Variants in BBOX1 observed in about 807,000 individuals in gnomAD.
BBOX1 encodes gamma-butyrobetaine hydroxylase 1.
In BBOX1, 35 loss-of-function variants were observed where a neutral mutation model predicts 41.6. The ratio of observed to expected loss-of-function variants is 0.84; its 90% CI spans 0.64 to 1.11. The LOEUF is 1.11. BBOX1 is among the 50% of genes most tolerant of loss of function. BBOX1 has a pLI of 0.00. For missense variants in BBOX1, 458 were observed against 460.6 expected, an observed-to-expected ratio of 0.99 and a Z score of 0.05; for synonymous variants, 163 against 154.7, an observed-to-expected ratio of 1.05 and a Z score of -0.40.
At chr11:27,127,260 A>G in intron 8 of BBOX1, 33 bp from the exon 9 acceptor site, 1 of 1,606,562 alleles carries the variant, frequency 6.2e-7, no homozygotes, top group Middle Eastern at 1.7e-4. Flanking sequence ...TTAAACACAC[A>G]ATTATTCATA....
intron 4 of BBOX1, among the ~76,000 whole-genome samples, chr11:27,060,433 T>C (rs946143417): frequency 1.1e-4 from 16 of 152,154 alleles, no homozygotes; most frequent in African/African-American, 3.9e-4. Flanking sequence ...ATCCCTTTTC[T>C]TTATGAATTA....
intron 7 of BBOX1, 130 bp from the exon 8 acceptor site, chr11:27,125,523 AT>A (rs2134118217): frequency 1.4e-6 from 1 of 732,774 alleles, no homozygotes; most frequent in Non-Finnish European, 2.0e-6. Context: ...GGTAGCCTTA[AT>A]ATCTTCTGTA....
rs1160395800 is a variant in BBOX1 at position 27,051,345 on chromosome 11, T to C, written c.-38-4048T>C. On this transcript the variant is annotated intron_variant, in intron 2 of 8. Transcript: ENST00000263182. ...TGGTTTGAGGGTAGTGCTGGCCTCA[T>C]AAAATGAGTTTGGAAGTATTCCCTC... Among the ~76,000 whole-genome samples the C allele has an allele frequency of 5.9e-5, 9 of 152,082 alleles. No individual in the cohort carries two copies. The East Asian group carries it at 1.5e-3, about 26-fold the overall frequency.
chr11:27,126,744 C>T (rs984446747), intron 8 of BBOX1, among the ~76,000 whole-genome samples: 1 of 148,588 alleles, frequency 6.7e-6, no homozygotes, highest in Non-Finnish European at 1.5e-5. Flanking sequence ...GGCGTGATCT[C>T]GGCTCACTGC....
intron 6 of BBOX1, among the ~76,000 whole-genome samples, chr11:27,115,816 T>C (rs1249972556): frequency 6.6e-6 from 1 of 151,922 alleles, no homozygotes; most frequent in East Asian, 1.9e-4. Flanking sequence ...GAAATTACTA[T>C]TAGCATTTTT....
At chr11:27,078,419 C>G (rs1046934749) in intron 4 of BBOX1, among the ~76,000 whole-genome samples, 2 of 151,982 alleles carry the variant, frequency 1.3e-5, no homozygotes, top group Non-Finnish European at 2.9e-5. Context: ...TTTGCTGCAC[C>G]CATCAACCCA....
chr11:27,127,212 G>T, intron 8 of BBOX1, 81 bp from the exon 9 acceptor site: 1 of 1,412,034 alleles, frequency 7.1e-7, no homozygotes, highest in African/African-American at 1.4e-5. Context: ...AGCAGCAGCT[G>T]TGTTTTGCAT....
Position 27,057,207 on chromosome 11 carries a change from A to G in BBOX1, c.226A>G (p.Ile76Val), listed in dbSNP as rs757304087. 4 of 1,598,488 alleles carry G rather than the reference A, an allele frequency of 2.5e-6. No homozygotes were observed. The highest frequency in any genetic ancestry group is 2.2e-5 in the East Asian group (1 of 44,640). ...TTGCTTTTTGTGTTATAAGGTGTAC[A>G]TCACATGGCCCGATGAGCATTACAG... ...GLIFDRKKVY[I>V]TWPDEHYSEF... The change falls in exon 4 of 9, where the codon ATC (isoleucine) becomes GTC (valine). Residue 76 changes from isoleucine to valine, a missense_variant. Coordinates refer to ENST00000263182, the MANE Select transcript of BBOX1 (RefSeq NM_003986.3).
chr11:27,072,666 A>G (rs1857494364), intron 4 of BBOX1, among the ~76,000 whole-genome samples: 2 of 152,200 alleles, frequency 1.3e-5, no homozygotes, highest in Admixed American at 6.5e-5. Context: ...CCTGATTTCA[A>G]ACTATACTAC....
intron 3 of BBOX1, among the ~76,000 whole-genome samples, chr11:27,056,845 A>G (rs1034608390): frequency 2.0e-5 from 3 of 151,660 alleles, no homozygotes; most frequent in African/African-American, 7.3e-5. Context: ...AGGCGGGCGC[A>G]TCACAAGGTC....
At chr11:27,042,160 A>G (rs1159634041) in intron 2 of BBOX1, among the ~76,000 whole-genome samples, 2 of 152,214 alleles carry the variant, frequency 1.3e-5, no homozygotes, top group Non-Finnish European at 2.9e-5. Flanking sequence ...AGTACTTTGC[A>G]TTACATCAGA....
Position 27,127,367 on chromosome 11 carries a change from C to T in BBOX1, c.1078C>T (p.Arg360Cys), listed in dbSNP as rs772557932. Residue 360 changes from arginine (R) to cysteine (C), a missense_variant, in exon 9 of 9, where the codon CGC (arginine) becomes TGC (cysteine). Coordinates refer to ENST00000263182, the MANE Select transcript of BBOX1 (RefSeq NM_003986.3). ...CTATGAAGCAGGAACTGAGATATCCCGCCATCTAGAAGGAGCTTATGCTGA... is the reference window on the plus strand; with the variant it reads ...CTATGAAGCAGGAACTGAGATATCCTGCCATCTAGAAGGAGCTTATGCTGA... ...RSYEAGTEISRHLEGAYADWD... is the reference protein window; with the variant it reads ...RSYEAGTEISCHLEGAYADWD... 9 of 1,614,080 alleles carry T rather than the reference C, an allele frequency of 5.6e-6. No individual in the cohort carries two copies. Among genetic ancestry groups the T allele is most frequent in the South Asian group, 3.3e-5 (3 of 91,070 alleles).
chr11:27,068,441 T>G (rs1384994324), intron 4 of BBOX1, among the ~76,000 whole-genome samples: 1 of 152,176 alleles, frequency 6.6e-6, no homozygotes, highest in Non-Finnish European at 1.5e-5. Context: ...GCTGATTTGT[T>G]TGAGTTCCTT....
At chr11:27,044,396 A>G (rs1483523874) in intron 2 of BBOX1, among the ~76,000 whole-genome samples, 1 of 151,880 alleles carries the variant, frequency 6.6e-6, no homozygotes, top group East Asian at 1.9e-4. Flanking sequence ...TTGTCTATTC[A>G]CTCTGATGAT....
At chr11:27,084,853 C>A (rs1857978301) in intron 4 of BBOX1, among the ~76,000 whole-genome samples, 1 of 152,104 alleles carries the variant, frequency 6.6e-6, no homozygotes. Flanking sequence ...GTAGCCTGTT[C>A]ATAAATTTTA....
At chr11:27,056,925 G>A (rs1359933739) in intron 3 of BBOX1, among the ~76,000 whole-genome samples, 5 of 151,440 alleles carry the variant, frequency 3.3e-5, no homozygotes, top group Admixed American at 3.3e-4. Flanking sequence ...AATTAGCCAG[G>A]CGTGGTGTCG....
In BBOX1 at chr11:27,044,233, A is replaced by T. The variant is rs573829336; in HGVS notation, c.-39+2755A>T. ...TTCTTCATATGTTTGTTGGCTGCATAAATGTCTTCTTTTGAGAAGTGTCTG... is the reference window on the plus strand; with the variant it reads ...TTCTTCATATGTTTGTTGGCTGCATTAATGTCTTCTTTTGAGAAGTGTCTG... On this transcript the variant is annotated intron_variant, in intron 2 of 8. Coordinates refer to ENST00000263182, the MANE Select transcript of BBOX1 (RefSeq NM_003986.3). 8.5e-5 allele frequency among the ~76,000 whole-genome samples: 13 copies of T among 152,276 alleles called. No homozygotes were observed. In the Middle Eastern group the frequency reaches 0.014, roughly 159 times the overall value.
At chr11:27,054,234 T>TGTGTGTGTGTGTGTGC (rs1491475061) in intron 2 of BBOX1, among the ~76,000 whole-genome samples, 8,613 of 148,192 alleles carry the variant, frequency 0.058, 359 homozygotes, top group South Asian at 0.17. Context: ...TGTGTGTGTG[T>TGTGTGTGTGTGTGTGC]GCGTGCACAT....
intron 5 of BBOX1, among the ~76,000 whole-genome samples, chr11:27,112,375 G>C (rs1859101799): frequency 6.6e-6 from 1 of 151,924 alleles, no homozygotes; most frequent in Non-Finnish European, 1.5e-5. Flanking sequence ...ACTGTGACAG[G>C]GCACACGTAG....
Sources: allele counts gnomAD v4.1 joint callset (sites outside exome capture counted in the v4.1 genomes callset), GRCh38; gene constraint gnomAD v4.1.1; transcripts MANE v1.5; gene names NCBI Gene and HGNC (gene_info 2026-07-23, HGNC 2026-07-21).